The following MAP4K3 variants were observed in gnomAD, a reference collection of about 807,000 sequenced individuals.
The protein encoded by MAP4K3 is MAPK/ERK kinase kinase kinase 3.
In MAP4K3, 94 loss-of-function variants were observed where a neutral mutation model predicts 143.5. The observed-to-expected ratio is 0.65, with a 90% CI of 0.55 to 0.78. The LOEUF (loss-of-function observed/expected upper bound fraction) is 0.78, where lower values mean the gene tolerates loss of function less well. Ranked by LOEUF, MAP4K3 falls within the 30% of genes least tolerant of loss-of-function variation. The pLI, the probability that MAP4K3 is intolerant of heterozygous loss-of-function variation, is 0.00. For synonymous variants in MAP4K3, 416 were observed against 347.2 expected, an observed-to-expected ratio of 1.20 and a Z score of -2.20; for missense variants, 1,077 against 1,068.1, an observed-to-expected ratio of 1.01 and a Z score of -0.12.
chr2:39,383,102 T>C (rs980670234), intron 1 of MAP4K3, among the ~76,000 whole-genome samples: 11 of 152,170 alleles, frequency 7.2e-5, no homozygotes, highest in African/African-American at 2.7e-4. Flanking sequence ...GCTGAAGGGA[T>C]GGCTTCATGT....
At position 39,320,505 on chromosome 2, in the gene MAP4K3, AT is replaced by A. The variant is rs879351943; in HGVS notation, c.918+5012del. Among the ~76,000 whole-genome samples, 384 of 145,160 alleles carry A rather than the reference AT, an allele frequency of 2.6e-3. 6 individuals carry two copies. The highest frequency in any genetic ancestry group is 0.025 in the East Asian group (125 of 5,022). ...ATGGTACTTTTTCTTGGTCAACACA[AT>A]TTTTTTTTTTTGGCCCTTTATGTTT... is the stretch of plus-strand genomic sequence containing the variant. On this transcript the variant is annotated intron_variant, in intron 12 of 33. Transcript: ENST00000263881.
chr2:39,321,288 A>AC (rs1418223221), intron 12 of MAP4K3, among the ~76,000 whole-genome samples: 3 of 151,920 alleles, frequency 2.0e-5, no homozygotes, highest in East Asian at 1.9e-4. Context: ...TGATCTTATT[A>AC]CCCCCCAACC....
intron 26 of MAP4K3, among the ~76,000 whole-genome samples, chr2:39,267,991 C>T (rs943263987): frequency 6.6e-5 from 10 of 152,068 alleles, no homozygotes; most frequent in African/African-American, 2.4e-4. Flanking sequence ...CTGGAGAGAG[C>T]TATTTTTAGT....
chr2:39,348,178 T>C (rs1665350571), intron 3 of MAP4K3, among the ~76,000 whole-genome samples: 1 of 152,160 alleles, frequency 6.6e-6, no homozygotes, highest in African/African-American at 2.4e-5. Flanking sequence ...GAAAACAATT[T>C]TCCTTGCTAG....
chr2:39,263,901 G>C (rs1319539192), intron 28 of MAP4K3, among the ~76,000 whole-genome samples: 1 of 152,096 alleles, frequency 6.6e-6, no homozygotes, highest in African/African-American at 2.4e-5. Flanking sequence ...CTCTAACAGA[G>C]AAAAGCATCT....
intron 32 of MAP4K3, among the ~76,000 whole-genome samples, chr2:39,253,457 A>G (rs1380886520): frequency 6.6e-6 from 1 of 152,148 alleles, no homozygotes; most frequent in Non-Finnish European, 1.5e-5. Flanking sequence ...AACACTTACT[A>G]TAGGTCAGGA....
chr2:39,364,865 CAAAAA>C (rs70957105), intron 2 of MAP4K3, among the ~76,000 whole-genome samples: 1 of 114,746 alleles, frequency 8.7e-6, no homozygotes. Flanking sequence ...AACTCTGTCT[CAAAAA>C]AAAAAAAAAA....
intron 1 of MAP4K3, among the ~76,000 whole-genome samples, chr2:39,408,084 A>G (rs1667143233): frequency 6.6e-6 from 1 of 152,186 alleles, no homozygotes; most frequent in South Asian, 2.1e-4. Context: ...AAAGGGAAAA[A>G]ATAAACACCA....
intron 21 of MAP4K3, among the ~76,000 whole-genome samples, chr2:39,284,037 CTTA>C (rs930069374): frequency 6.6e-6 from 1 of 152,148 alleles, no homozygotes; most frequent in Non-Finnish European, 1.5e-5. Flanking sequence ...ATGCGCACAT[CTTA>C]TTATTGCCAA....
Position 39,282,545 on chromosome 2 carries a change from T to G in MAP4K3, c.1597A>C (p.Ser533Arg), listed in dbSNP as rs1295915160. Residue 533 changes from serine to arginine, a missense_variant, in exon 22 of 34, where the codon AGT (serine) becomes CGT (arginine). By Grantham distance (110) the Ser-to-Arg change is moderately radical (BLOSUM62 -1). Around this residue, in one of 2 missense-constraint regions of MAP4K3, gnomAD observed 864 missense variants for 801.2 expected, o/e 1.08. Coordinates refer to ENST00000263881, the MANE Select transcript of MAP4K3 (RefSeq NM_003618.4). Reference protein sequence around the residue: ...KEKKDVPKPISNGLPPTPKVH... With the variant: ...KEKKDVPKPIRNGLPPTPKVH... Reference sequence around the variant, plus strand: ...TTAGGTGTTGGAGGAAGACCATTACTAATAGGCTTCTAGAAAAAGAACACA... The same window carrying G: ...TTAGGTGTTGGAGGAAGACCATTACGAATAGGCTTCTAGAAAAAGAACACA... The G allele has an allele frequency of 1.2e-6, 2 of 1,611,100 alleles. No individual in the cohort carries two copies. Among genetic ancestry groups the G allele is most frequent in the Non-Finnish European group, 1.7e-6 (2 of 1,178,256 alleles).
chr2:39,340,422 G>C (rs1665106464), intron 4 of MAP4K3, among the ~76,000 whole-genome samples: 1 of 152,146 alleles, frequency 6.6e-6, no homozygotes, highest in South Asian at 2.1e-4. Context: ...TCATATATGA[G>C]AACATCCAGG....
At chr2:39,433,688 C>G (rs1180734697) in intron 1 of MAP4K3, among the ~76,000 whole-genome samples, 1 of 152,140 alleles carries the variant, frequency 6.6e-6, no homozygotes. Context: ...CTCCATGGGC[C>G]TCCTGAGGCC....
intron 21 of MAP4K3, among the ~76,000 whole-genome samples, chr2:39,285,525 A>C (rs1321430420): frequency 6.6e-6 from 1 of 152,242 alleles, no homozygotes; most frequent in African/African-American, 2.4e-5. Flanking sequence ...GTTGGACAGA[A>C]CTTCATAAAA....
intron 12 of MAP4K3, among the ~76,000 whole-genome samples, chr2:39,317,555 T>C (rs888625962): frequency 2.6e-5 from 4 of 151,808 alleles, no homozygotes; most frequent in African/African-American, 9.7e-5. Context: ...GAATCTTAAA[T>C]TAACAAGCAA....
intron 1 of MAP4K3, among the ~76,000 whole-genome samples, chr2:39,423,499 A>C (rs1203156028): frequency 2.0e-5 from 3 of 152,246 alleles, no homozygotes; most frequent in Non-Finnish European, 4.4e-5. Flanking sequence ...CATAATTGCC[A>C]AAACCTGCAA....
intron 1 of MAP4K3, among the ~76,000 whole-genome samples, chr2:39,413,575 C>G (rs566290977): frequency 6.6e-6 from 1 of 152,034 alleles, no homozygotes; most frequent in Non-Finnish European, 1.5e-5. Context: ...TGTGAGAATC[C>G]ATTGACTGTA....
At chr2:39,287,971 G>A (rs747347089) in intron 20 of MAP4K3, 150 bp downstream of exon 20, 8 of 870,840 alleles carry the variant, frequency 9.2e-6, no homozygotes, top group Non-Finnish European at 1.4e-5. Context: ...CTTTAAGCTA[G>A]TAGGCAAAAA....
At chr2:39,374,021 G>C (rs1666153185) in intron 2 of MAP4K3, among the ~76,000 whole-genome samples, 1 of 152,136 alleles carries the variant, frequency 6.6e-6, no homozygotes, top group African/African-American at 2.4e-5. Flanking sequence ...ATCTACCCTG[G>C]TGTGATTATT....
At chr2:39,399,592 T>A (rs567372458) in intron 1 of MAP4K3, among the ~76,000 whole-genome samples, 2 of 152,320 alleles carry the variant, frequency 1.3e-5, no homozygotes, top group South Asian at 2.1e-4. Context: ...GATTTTCAAG[T>A]ATTTTAGGAA....
Sources: gnomAD v4.1 joint callset for allele counts (sites outside exome capture counted in the v4.1 genomes callset) on GRCh38, gnomAD v4.1.1 for gene constraint, gnomAD v4.1.1 regional missense constraint, MANE v1.5 for transcripts, NCBI Gene and HGNC (gene_info 2026-07-23, HGNC 2026-07-21) for gene names.